ZDHHC14: variants seen among roughly 807,000 people sequenced by gnomAD.
The protein encoded by ZDHHC14 is zDHHC palmitoyltransferase 14, also known as palmitoyltransferase ZDHHC14.
ZDHHC14 carries 16 observed loss-of-function variants against 47.7 expected under a neutral mutation model. That is an observed-to-expected ratio of 0.34 (90% confidence interval 0.23 to 0.51). ZDHHC14 has a LOEUF of 0.51. Ranked by LOEUF, ZDHHC14 falls within the 20% of genes least tolerant of loss-of-function variation. The pLI is 0.97. For missense variants in ZDHHC14, 515 were observed against 662.5 expected (o/e 0.78, Z 2.44); for synonymous variants, 293 against 278.9 (o/e 1.05, Z -0.50).
intron 1 of ZDHHC14, among the ~76,000 whole-genome samples, chr6:157,485,765 C>T (rs1282178874): frequency 6.6e-6 from 1 of 151,354 alleles, no homozygotes; most frequent in African/African-American, 2.4e-5. Flanking sequence ...AATCCCAGCA[C>T]TTCGGGAGGC....
At chr6:157,416,807 A>ATT (rs5881208) in intron 1 of ZDHHC14, among the ~76,000 whole-genome samples, 25,898 of 137,408 alleles carry the variant, frequency 0.19, 3,085 homozygotes, top group Admixed American at 0.33. Context: ...TTGTTAGCAA[A>ATT]TTTTTTTTTT....
At chr6:157,508,669 C>A (rs554543628) in intron 1 of ZDHHC14, among the ~76,000 whole-genome samples, 4 of 152,280 alleles carry the variant, frequency 2.6e-5, no homozygotes, top group African/African-American at 9.6e-5. Flanking sequence ...TGAGCCACTG[C>A]ACCCAACCAA....
At chr6:157,609,410 G>A (rs1784670218) in intron 3 of ZDHHC14, among the ~76,000 whole-genome samples, 1 of 152,202 alleles carries the variant, frequency 6.6e-6, no homozygotes, top group South Asian at 2.1e-4. Flanking sequence ...TGTGTAGGGT[G>A]ATGGCCACTC....
At position 157,528,953 on chromosome 6, in the gene ZDHHC14, A is replaced by C. The variant is rs192168203; in HGVS notation, c.246-13632A>C. On this transcript the variant is annotated intron_variant, in intron 1 of 8. Transcript: ENST00000359775. The stretch of plus-strand genomic sequence containing the variant: ...ATTATAAAAGCATAATTAGATGAAG[A>C]CTGGGGGTGGGAGTGGGCATTAATT... Among the ~76,000 whole-genome samples, 228 of 151,400 alleles carry C rather than the reference A, an allele frequency of 1.5e-3. 3 individuals carry two copies. The highest frequency in any genetic ancestry group is 5.3e-3 in the African/African-American group (220 of 41,332).
At chr6:157,409,749 T>C (rs1249601298) in intron 1 of ZDHHC14, among the ~76,000 whole-genome samples, 1 of 152,092 alleles carries the variant, frequency 6.6e-6, no homozygotes, top group Non-Finnish European at 1.5e-5. Context: ...TGTTTCCGAG[T>C]GGTTTCCCAT....
At position 157,675,979 on chromosome 6, in the gene ZDHHC14, A is replaced by C. The variant is rs1036338247; in HGVS notation, c.*2857A>C. 1.5e-4 allele frequency: 23 copies of C among 152,386 alleles called. No individual in the cohort carries two copies. The highest frequency in any genetic ancestry group is 5.3e-4 in the African/African-American group (22 of 41,600). The allele number at this position is 152,386 out of a possible 1,614,324, so 9.4% of individuals were successfully genotyped here. ...ATTCATCTGCGTTCGTTCTCCCAGG[A>C]GTGCTCCAGGGAACCACAGGCTTCC... On this transcript the variant is annotated 3_prime_UTR_variant, in exon 9 of 9. Transcript: ENST00000359775.
intron 1 of ZDHHC14, among the ~76,000 whole-genome samples, chr6:157,452,789 G>A (rs1255856876): frequency 7.9e-6 from 1 of 126,310 alleles, no homozygotes; most frequent in South Asian, 2.8e-4. Flanking sequence ...TGCAAGCTCC[G>A]CCTCCCGGGT....
At chr6:157,565,636 T>C (rs1364846563) in intron 2 of ZDHHC14, among the ~76,000 whole-genome samples, 2 of 152,076 alleles carry the variant, frequency 1.3e-5, no homozygotes, top group Non-Finnish European at 2.9e-5. Context: ...CTGGCCAACA[T>C]GGAGAAACCG....
chr6:157,453,043 T>TC (rs200018936), intron 1 of ZDHHC14, among the ~76,000 whole-genome samples: 2,334 of 152,182 alleles, frequency 0.015, 32 homozygotes, highest in Non-Finnish European at 0.023. Context: ...ACTCTTCTTT[T>TC]CCCCACCCTT....
intron 8 of ZDHHC14, among the ~76,000 whole-genome samples, chr6:157,671,108 C>T (rs1448121640): frequency 2.6e-5 from 4 of 152,222 alleles, no homozygotes; most frequent in South Asian, 2.1e-4. Context: ...AGGAAGAGGT[C>T]GGAGCACCTA....
chr6:157,640,304 C>T (rs1777188878), intron 5 of ZDHHC14, among the ~76,000 whole-genome samples: 1 of 152,190 alleles, frequency 6.6e-6, no homozygotes, highest in Non-Finnish European at 1.5e-5. Flanking sequence ...ATTGATTCTC[C>T]ATTTGCAGAG....
intron 3 of ZDHHC14, among the ~76,000 whole-genome samples, chr6:157,614,475 A>G (rs980798208): frequency 2.6e-5 from 4 of 152,070 alleles, no homozygotes; most frequent in African/African-American, 9.7e-5. Flanking sequence ...GTTCAAGGGG[A>G]AGAAAAGCCC....
chr6:157,632,663 A>G lies in ZDHHC14; in HGVS notation c.704-171A>G, dbSNP rs939885346. 162 of 687,626 alleles carry G rather than the reference A, an allele frequency of 2.4e-4. 1 individual carries two copies. Among genetic ancestry groups the G allele is most frequent in the Non-Finnish European group, 3.3e-4 (129 of 387,064 alleles). The allele number at this position is 687,626 out of a possible 1,614,324, so 42.6% of individuals were successfully genotyped here. A position where few individuals can be genotyped will look rare whatever the true frequency, so the allele number is the denominator to read the frequency against. ...TATGAATCCTCCATTTTCTTGATGA[A>G]AAACTTTAGTGGCATCTCAATCTCT... On this transcript the variant is annotated intron_variant, in intron 4 of 8. Transcript: ENST00000359775.
At chr6:157,606,473 A>G (rs943620443) in intron 3 of ZDHHC14, among the ~76,000 whole-genome samples, 1 of 151,808 alleles carries the variant, frequency 6.6e-6, no homozygotes, top group African/African-American at 2.4e-5. Context: ...TCTCAAAAAA[A>G]AGAAAAAAGA....
At chr6:157,545,407 T>G (rs1441920330) in intron 2 of ZDHHC14, among the ~76,000 whole-genome samples, 1 of 151,048 alleles carries the variant, frequency 6.6e-6, no homozygotes. Context: ...CCGGGCGCAG[T>G]GGCTCACGCC....
intron 3 of ZDHHC14, among the ~76,000 whole-genome samples, chr6:157,614,314 C>G (rs1333445205): frequency 1.3e-5 from 2 of 151,822 alleles, no homozygotes; most frequent in East Asian, 3.9e-4. Context: ...ACCACATTTA[C>G]TAGCTGACTG....
At chr6:157,623,795 G>T (rs914812785) in intron 3 of ZDHHC14, among the ~76,000 whole-genome samples, 2 of 151,972 alleles carry the variant, frequency 1.3e-5, no homozygotes, top group African/African-American at 4.8e-5. Flanking sequence ...TGATCTGCCC[G>T]CCTCGGCCTC....
chr6:157,470,673 A>G (rs1005913960), intron 1 of ZDHHC14, among the ~76,000 whole-genome samples: 13 of 152,182 alleles, frequency 8.5e-5, no homozygotes, highest in East Asian at 5.8e-4. Context: ...AGATAGAAAA[A>G]CTTCAGAAAA....
rs1214719920 is a variant in ZDHHC14 at position 157,381,205 on chromosome 6, G to C, written c.-817G>C. 6.6e-6 allele frequency: 1 copy of C among 151,066 alleles called. No individual in the cohort carries two copies. The highest frequency in any genetic ancestry group is 2.0e-4 in the East Asian group (1 of 5,038). 9.4% of individuals were successfully genotyped at this position (151,066 alleles called of 1,614,324 possible). A position where few individuals can be genotyped will look rare whatever the true frequency, so the allele number is the denominator to read the frequency against. ...GCGCCGGGCTGAGCCTTGCAAACAA[G>C]TGTCTGTGCTGTGTCCCCGCGGCCC... On this transcript the variant is annotated 5_prime_UTR_variant, in exon 1 of 9. Coordinates refer to ENST00000359775, the MANE Select transcript of ZDHHC14 (RefSeq NM_024630.3).
Sources: allele counts gnomAD v4.1 joint callset (sites outside exome capture counted in the v4.1 genomes callset), GRCh38; gene constraint gnomAD v4.1.1; transcripts MANE v1.5; gene names NCBI Gene and HGNC (gene_info 2026-07-23, HGNC 2026-07-21).